Variants in UNC5B observed in about 807,000 individuals in gnomAD.
UNC5B encodes the protein unc-5 netrin receptor B.
In UNC5B, 56 loss-of-function variants were observed where a neutral mutation model predicts 103.7. That is an observed-to-expected ratio of 0.54 (90% confidence interval 0.44 to 0.67). The LOEUF (loss-of-function observed/expected upper bound fraction) is 0.67. Ranked by LOEUF, UNC5B falls within the 30% of genes least tolerant of loss-of-function variation. UNC5B has a pLI of 0.00. For missense variants in UNC5B, 1,194 were observed against 1,284.5 expected (o/e 0.93, Z 1.08); for synonymous variants, 577 against 542.0 (o/e 1.06, Z -0.90).
intron 1 of UNC5B, among the ~76,000 whole-genome samples, chr10:71,254,243 G>A (rs977549330): frequency 3.9e-5 from 6 of 152,182 alleles, no homozygotes; most frequent in African/African-American, 1.2e-4. Flanking sequence ...TGGGGCTGGC[G>A]GGAGTCTTCT....
At chr10:71,293,334 G>A in intron 11 of UNC5B, 71 bp from the exon 12 acceptor site, 1 of 1,514,176 alleles carries the variant, frequency 6.6e-7, no homozygotes, top group Non-Finnish European at 8.9e-7. Context: ...GGCAGACTTG[G>A]GAGCCCAGCA....
intron 1 of UNC5B, among the ~76,000 whole-genome samples, chr10:71,215,115 T>A (rs1589143792): frequency 6.6e-6 from 1 of 152,348 alleles, no homozygotes; most frequent in East Asian, 1.9e-4. Context: ...CTTGTTTTTC[T>A]CTAATGCCAC....
At position 71,273,132 on chromosome 10, in the gene UNC5B, G is replaced by A. The variant is rs190191691; in HGVS notation, c.80-6689G>A. Among the ~76,000 whole-genome samples the A allele has an allele frequency of 5.9e-5, 9 of 152,354 alleles. No homozygotes were observed. The South Asian group carries it at 1.2e-3, about 21-fold the overall frequency. On this transcript the variant is annotated intron_variant, in intron 1 of 16. Transcript: ENST00000335350. ...TCGAACTCCTGACCTCAGGTGATCC[G>A]CCCGCCTTGGACTTCCAAAGTGCTG... is the stretch of plus-strand genomic sequence containing the variant.
intron 1 of UNC5B, among the ~76,000 whole-genome samples, chr10:71,225,234 A>G (rs539254378): frequency 2.0e-5 from 3 of 148,538 alleles, no homozygotes; most frequent in Non-Finnish European, 4.5e-5. Context: ...GAAAACACCC[A>G]GAGAGGTGCT....
At chr10:71,264,029 T>C (rs1395160995) in intron 1 of UNC5B, among the ~76,000 whole-genome samples, 3 of 152,184 alleles carry the variant, frequency 2.0e-5, no homozygotes, top group Non-Finnish European at 4.4e-5. Flanking sequence ...TTGCTGGAAA[T>C]ATAAGAAAAT....
intron 1 of UNC5B, among the ~76,000 whole-genome samples, chr10:71,263,071 C>G (rs1182620494): frequency 1.3e-5 from 2 of 152,138 alleles, no homozygotes; most frequent in African/African-American, 4.8e-5. Flanking sequence ...CAGGGTTTAG[C>G]CAGGTAGGGG....
At position 71,286,719 on chromosome 10, in the gene UNC5B, G is replaced by A. The variant is rs751771379; in HGVS notation, c.583G>A (p.Asp195Asn). The A allele has an allele frequency of 6.8e-5, 109 of 1,613,970 alleles. 2 individuals carry two copies. Among genetic ancestry groups the A allele is most frequent in the South Asian group, 2.7e-4 (25 of 91,066 alleles). Reference protein sequence around the residue: ...VEWLKNEDVIDPTQDTNFLLT... With the variant: ...VEWLKNEDVINPTQDTNFLLT... ...ATGGCTCAAGAATGAGGATGTCATC[G>A]ACCCCACCCAGGACACCAACTTCCT... Residue 195 changes from aspartate to asparagine, a missense_variant, in exon 5 of 17, where the codon GAC becomes AAC. Physicochemically the swap from Asp to Asn is conservative, Grantham distance 23 (BLOSUM62 1). Transcript: ENST00000335350.
At chr10:71,243,645 A>C (rs868556811) in intron 1 of UNC5B, among the ~76,000 whole-genome samples, 1 of 152,152 alleles carries the variant, frequency 6.6e-6, no homozygotes, top group East Asian at 1.9e-4. Context: ...GGGCTTGGGA[A>C]GCCTTCGCCA....
At chr10:71,244,820 G>A (rs541959742) in intron 1 of UNC5B, among the ~76,000 whole-genome samples, 3 of 152,174 alleles carry the variant, frequency 2.0e-5, no homozygotes, top group Non-Finnish European at 4.4e-5. Context: ...GGTTGGCGGC[G>A]GGGGCGTGCT....
chr10:71,295,979 G>A lies in UNC5B; in HGVS notation c.2325+19G>A. Reference sequence around the variant, plus strand: ...ATACCAGGTGAGGGCTGGGCTGATGGATGGGGAGGGGCACCACTTAAGGGC... The same window carrying A: ...ATACCAGGTGAGGGCTGGGCTGATGAATGGGGAGGGGCACCACTTAAGGGC... On this transcript the variant is annotated intron_variant, in intron 14 of 16. Coordinates refer to ENST00000335350, the MANE Select transcript of UNC5B (RefSeq NM_170744.5). 6.2e-7 allele frequency: 1 copy of A among 1,612,322 alleles called. No individual in the cohort carries two copies. The highest frequency in any genetic ancestry group is 8.5e-7 in the Non-Finnish European group (1 of 1,179,972).
chr10:71,284,077 C>T (rs1372889542), intron 2 of UNC5B, among the ~76,000 whole-genome samples: 2 of 152,156 alleles, frequency 1.3e-5, no homozygotes, highest in Admixed American at 6.5e-5. Flanking sequence ...GGAGACGAAG[C>T]TGGGTAGGGG....
intron 1 of UNC5B, among the ~76,000 whole-genome samples, chr10:71,216,410 C>T (rs1047680148): frequency 6.6e-6 from 1 of 152,114 alleles, no homozygotes; most frequent in African/African-American, 2.4e-5. Flanking sequence ...CAGGGCAGAG[C>T]CAAAGGTCAG....
chr10:71,215,635 T>C (rs1162765455), intron 1 of UNC5B, among the ~76,000 whole-genome samples: 2 of 152,016 alleles, frequency 1.3e-5, no homozygotes, highest in Non-Finnish European at 2.9e-5. Flanking sequence ...CTTCAAAAGC[T>C]CTGGTTGGCC....
At chr10:71,235,437 G>A (rs531374464) in intron 1 of UNC5B, among the ~76,000 whole-genome samples, 6 of 152,260 alleles carry the variant, frequency 3.9e-5, no homozygotes, top group African/African-American at 1.4e-4. Flanking sequence ...GAAGAAGAGG[G>A]TATGTGGACT....
intron 1 of UNC5B, among the ~76,000 whole-genome samples, chr10:71,268,272 C>G (rs74147803): frequency 0.094 from 14,330 of 152,328 alleles, 698 homozygotes; most frequent in Middle Eastern, 0.12. Context: ...CATTTGCCCT[C>G]TCCTTCTCAT....
intron 1 of UNC5B, among the ~76,000 whole-genome samples, chr10:71,254,531 T>G (rs1844246841): frequency 6.6e-6 from 1 of 152,130 alleles, no homozygotes; most frequent in Admixed American, 6.5e-5. Context: ...CGGCTTACTG[T>G]CTCCAGGCCC....
At position 71,290,913 on chromosome 10, in the gene UNC5B, A is replaced by G. The variant is rs769432142; in HGVS notation, c.1100-2A>G. The G allele has an allele frequency of 6.2e-7, 1 of 1,610,092 alleles. No individual in the cohort carries two copies. On this transcript the variant is annotated splice_acceptor_variant, in intron 8 of 16. Transcript: ENST00000335350. LOFTEE classifies it high-confidence loss of function. ...CCTTATGTGGTCCTCCTGTCCCCGC[A>G]GTGCTGGAGGCCTCAGGGGATGCGG...
At chr10:71,262,119 G>C (rs1178434932) in intron 1 of UNC5B, among the ~76,000 whole-genome samples, 1 of 152,080 alleles carries the variant, frequency 6.6e-6, no homozygotes, top group Non-Finnish European at 1.5e-5. Context: ...ATAAACTCCT[G>C]GTCCCTTCCT....
At chr10:71,283,130 A>T (rs974922073) in intron 2 of UNC5B, among the ~76,000 whole-genome samples, 22 of 149,028 alleles carry the variant, frequency 1.5e-4, no homozygotes, top group African/African-American at 5.5e-4. Context: ...AAAAAAAAAA[A>T]GAGAGGAGTT....
Sources: gnomAD v4.1 joint callset for allele counts (sites outside exome capture counted in the v4.1 genomes callset) on GRCh38, gnomAD v4.1.1 for gene constraint, MANE v1.5 for transcripts, NCBI Gene and HGNC (gene_info 2026-07-23, HGNC 2026-07-21) for gene names.